The following TRERF1 variants were observed in gnomAD, a reference collection of about 807,000 sequenced individuals.
TRERF1 encodes the protein transcriptional regulating factor 1, also known as transcriptional-regulating factor 1.
TRERF1 carries 27 observed loss-of-function variants against 122.9 expected under a neutral mutation model. The observed-to-expected ratio is 0.22, with a 90% CI of 0.16 to 0.30. The LOEUF (loss-of-function observed/expected upper bound fraction) is 0.30, where lower values mean the gene tolerates loss of function less well. Among genes scored for constraint, TRERF1 ranks in the 10% least tolerant of loss-of-function variants. TRERF1 has a pLI of 1.00. For synonymous variants in TRERF1, 636 were observed against 641.7 expected (o/e 0.99, Z 0.13); for missense variants, 1,248 against 1,560.3 (o/e 0.80, Z 3.37).
At chr6:42,270,768 C>CTTTTT (rs1175342905) in intron 4 of TRERF1, among the ~76,000 whole-genome samples, 14 of 119,614 alleles carry the variant, frequency 1.2e-4, no homozygotes, top group Non-Finnish European at 1.6e-4. Context: ...GACCTCATCT[C>CTTTTT]TTTTTTTTTT....
rs1006768740 is a variant in TRERF1, at chr6:42,259,033, T to C, written c.2269+306A>G. Among the ~76,000 whole-genome samples, 7 of 151,906 alleles carry C rather than the reference T, an allele frequency of 4.6e-5. No individual in the cohort carries two copies. Among genetic ancestry groups the C allele is most frequent in the African/African-American group, 1.7e-4 (7 of 41,456 alleles). The stretch of plus-strand genomic sequence containing the variant: ...TACAGGTGTGAGCCACCGCGCCCGG[T>C]CTCATTTTTTCTCTCTTGCACGATC... On this transcript the variant is annotated intron_variant, in intron 9 of 17. Transcript: ENST00000372922. The surrounding 1 kb of genome is among the most constrained non-coding windows in gnomAD (Gnocchi z 4.9).
rs1019868523 is a variant in TRERF1, at chr6:42,228,803, C to T, written c.3279-134G>A. On this transcript the variant is annotated intron_variant, in intron 17 of 17. Transcript: ENST00000372922. The surrounding 1 kb of genome is among the most constrained non-coding windows in gnomAD (Gnocchi z 4.2). ...CTGCTCGGCTTCTAGGACCTCCTTC[C>T]CCTGTGACCTGTCACCTCTCTTCCT... 1.1e-5 allele frequency: 9 copies of T among 805,900 alleles called. No individual in the cohort carries two copies. The highest frequency in any genetic ancestry group is 1.0e-4 in the African/African-American group (6 of 58,482). 49.9% of individuals were successfully genotyped at this position (805,900 alleles called of 1,614,324 possible). A position where few individuals can be genotyped will look rare whatever the true frequency, so the allele number is the denominator to read the frequency against.
chr6:42,450,074 C>T (rs1452565746), intron 2 of TRERF1, among the ~76,000 whole-genome samples: 3 of 152,190 alleles, frequency 2.0e-5, no homozygotes, highest in African/African-American at 7.2e-5. Context: ...TCTGCAGAAA[C>T]CAGTAGGCTG....
chr6:42,407,876 T>C (rs1226446526), intron 2 of TRERF1, among the ~76,000 whole-genome samples: 1 of 151,420 alleles, frequency 6.6e-6, no homozygotes, highest in African/African-American at 2.4e-5. Context: ...AGGTAAGCGA[T>C]TCCATATTCT....
chr6:42,371,578 C>T (rs1773768002), intron 2 of TRERF1, among the ~76,000 whole-genome samples: 2 of 152,144 alleles, frequency 1.3e-5, no homozygotes, highest in Non-Finnish European at 1.5e-5. Context: ...TGCAATGTAT[C>T]CAAACTTCTG....
chr6:42,273,847 AC>A (rs1340272337), intron 4 of TRERF1, among the ~76,000 whole-genome samples: 2 of 152,096 alleles, frequency 1.3e-5, no homozygotes, highest in African/African-American at 4.8e-5. Context: ...GTTGAAACTC[AC>A]CCGACTTTGA....
intron 4 of TRERF1, among the ~76,000 whole-genome samples, chr6:42,272,611 C>A (rs1780428257): frequency 6.6e-6 from 1 of 152,176 alleles, no homozygotes; most frequent in Admixed American, 6.5e-5. Context: ...ACTGAATTAG[C>A]AGACTCTTGC....
intron 2 of TRERF1, among the ~76,000 whole-genome samples, chr6:42,369,827 C>T (rs563198882): frequency 6.6e-4 from 100 of 152,270 alleles, no homozygotes; most frequent in Non-Finnish European, 1.2e-3. Context: ...CTTCACTCAC[C>T]CTGCTCCTTA....
intron 2 of TRERF1, among the ~76,000 whole-genome samples, chr6:42,422,946 T>C (rs192151750): frequency 6.6e-6 from 1 of 152,110 alleles, no homozygotes; most frequent in Non-Finnish European, 1.5e-5. Flanking sequence ...TTCAAGTGAT[T>C]CTCCTGCCTC....
chr6:42,391,986 T>C (rs956882238), intron 2 of TRERF1, among the ~76,000 whole-genome samples: 2 of 152,006 alleles, frequency 1.3e-5, no homozygotes, highest in South Asian at 2.1e-4. Flanking sequence ...ACATCCAGAG[T>C]TGGAATCCAA....
intron 2 of TRERF1, among the ~76,000 whole-genome samples, chr6:42,414,621 A>G (rs1042908336): frequency 7.2e-5 from 11 of 152,240 alleles, no homozygotes; most frequent in Admixed American, 7.2e-4. Context: ...ACAGTAAGAA[A>G]TACACTTTAC....
chr6:42,225,318 CT>C (rs1769377157), exon 18 of TRERF1: 1 of 150,226 alleles, frequency 6.7e-6, no homozygotes, highest in Non-Finnish European at 1.5e-5. Context: ...AAGCTTCAAA[CT>C]TTTTTTAAAC....
chr6:42,369,861 G>A (rs1479626744), intron 2 of TRERF1, among the ~76,000 whole-genome samples: 1 of 151,990 alleles, frequency 6.6e-6, no homozygotes, highest in East Asian at 1.9e-4. Context: ...CAAAACCCAG[G>A]CCTAAAAACT....
rs945875750 is a variant in TRERF1 at position 42,275,912 on chromosome 6, G to C, written c.-258-6064C>G. Among the ~76,000 whole-genome samples, 4 of 152,192 alleles carry C rather than the reference G, an allele frequency of 2.6e-5. No individual in the cohort carries two copies. Among genetic ancestry groups the C allele is most frequent in the African/African-American group, 9.7e-5 (4 of 41,446 alleles). ...GCCACAGACCATATATAAATGAATG[G>C]GCGTGGCTGTGTTCCAATACAACTT... On this transcript the variant is annotated intron_variant, in intron 4 of 17. Coordinates refer to ENST00000372922, the Ensembl canonical transcript of TRERF1. This position sits in a 1 kb window ranked among gnomAD's most constrained non-coding sequence, Gnocchi z 4.1.
At chr6:42,404,615 A>G (rs965226020) in intron 2 of TRERF1, among the ~76,000 whole-genome samples, 1 of 152,024 alleles carries the variant, frequency 6.6e-6, no homozygotes, top group Non-Finnish European at 1.5e-5. Flanking sequence ...CACAGGCCTT[A>G]ACCCTGTCAG....
At chr6:42,405,300 C>T (rs192134419) in intron 2 of TRERF1, among the ~76,000 whole-genome samples, 43 of 152,280 alleles carry the variant, frequency 2.8e-4, no homozygotes, top group African/African-American at 9.4e-4. Flanking sequence ...CCCCAGCACA[C>T]AAGGTTATAC....
chr6:42,309,874 C>T (rs1223156105), intron 3 of TRERF1, among the ~76,000 whole-genome samples: 1 of 141,582 alleles, frequency 7.1e-6, no homozygotes, highest in South Asian at 2.3e-4. Context: ...GCAGCCTCAA[C>T]CTCCTGGGCT....
rs1318852229 is a variant in TRERF1 at position 42,277,908 on chromosome 6, A to AGAGGAAGAG, written c.-258-8061_-258-8060insCTCTTCCTC. ...AGGAAGAAGGAAGAAGGAAGAAGGA[A>AGAGGAAGAG]GAAGAAGAAGAAGAAGAAGAAGAAG... On this transcript the variant is annotated intron_variant, in intron 4 of 17. Transcript: ENST00000372922. Among the ~76,000 whole-genome samples the AGAGGAAGAG allele has an allele frequency of 2.9e-3, 140 of 48,808 alleles. 4 individuals carry two copies. The highest frequency in any genetic ancestry group is 0.013 in the South Asian group (19 of 1,514). 32.0% of individuals were successfully genotyped at this position (48,808 alleles called of 152,430 possible). A position where few individuals can be genotyped will look rare whatever the true frequency, so the allele number is the denominator to read the frequency against.
intron 3 of TRERF1, among the ~76,000 whole-genome samples, chr6:42,354,095 G>A (rs1055863697): frequency 6.6e-6 from 1 of 152,240 alleles, no homozygotes; most frequent in Non-Finnish European, 1.5e-5. Context: ...GTGGCCAGAG[G>A]CCCTTTGTGA....
Sources: gnomAD v4.1 joint callset for allele counts (sites outside exome capture counted in the v4.1 genomes callset) on GRCh38, gnomAD v4.1.1 for gene constraint, Gnocchi (gnomAD v3.1) non-coding constraint, MANE v1.5 for transcripts, NCBI Gene and HGNC (gene_info 2026-07-23, HGNC 2026-07-21) for gene names.